Variants in FAM124A observed in about 807,000 individuals in gnomAD.
FAM124A encodes the protein family with sequence similarity 124 member A.
FAM124A carries 23 observed loss-of-function variants against 24.5 expected under a neutral mutation model. The observed-to-expected ratio is 0.94, with a 90% CI of 0.68 to 1.33. The LOEUF (loss-of-function observed/expected upper bound fraction) is 1.33, where lower values mean the gene tolerates loss of function less well. Among genes scored for constraint, FAM124A ranks in the 40% most tolerant of loss-of-function variants. FAM124A has a pLI of 0.00. For synonymous variants in FAM124A, 287 were observed against 314.7 expected, an observed-to-expected ratio of 0.91 and a Z score of 0.93; for missense variants, 623 against 722.8, an observed-to-expected ratio of 0.86 and a Z score of 1.58.
In FAM124A at chr13:51,251,961, C is replaced by T. The variant is rs766488733; in HGVS notation, c.594C>T (p.Pro198=). The change falls in exon 3 of 4, where the codon CCC becomes CCT. Residue 198 remains proline (P), a synonymous_variant. Transcript: ENST00000322475. This position sits in a 1 kb window ranked among gnomAD's most constrained non-coding sequence, Gnocchi z 5.3. ...ACCAGCTGATTCTCCGGAGGAGCCC[C>T]AGCCAGAAGAAAGCGGACTTCTGCA... ...RFYQLILRRS[P]SQKKADFCIF... 8.7e-6 allele frequency: 14 copies of T among 1,614,160 alleles called. No homozygotes were observed. In the South Asian group the frequency reaches 1.2e-4, roughly 14 times the overall value.
intron 2 of FAM124A, among the ~76,000 whole-genome samples, chr13:51,244,523 C>T (rs1442840355): frequency 1.3e-5 from 2 of 152,162 alleles, no homozygotes; most frequent in Admixed American, 6.5e-5. Flanking sequence ...AAAGGGGTAC[C>T]TGAGCTTGTC....
chr13:51,233,637 G>T (rs571274008), intron 2 of FAM124A, among the ~76,000 whole-genome samples: 95 of 152,260 alleles, frequency 6.2e-4, no homozygotes, highest in African/African-American at 2.2e-3. Context: ...TCCCAGCCAG[G>T]AGCATAAATC....
At chr13:51,233,557 G>C (rs557784558) in intron 2 of FAM124A, among the ~76,000 whole-genome samples, 19 of 152,144 alleles carry the variant, frequency 1.2e-4, no homozygotes, top group African/African-American at 4.3e-4. Context: ...GGGGTGGGGC[G>C]GGTAGGGGGA....
chr13:51,242,445 C>T (rs1472014122), intron 2 of FAM124A, among the ~76,000 whole-genome samples: 1 of 152,074 alleles, frequency 6.6e-6, no homozygotes, highest in Non-Finnish European at 1.5e-5. Context: ...CCTTGCAGTC[C>T]CAGGGACTTA....
In FAM124A at chr13:51,251,005, C is replaced by T. The variant is rs1239039656; in HGVS notation, c.101-463C>T. On this transcript the variant is annotated intron_variant, in intron 2 of 3. Coordinates refer to ENST00000322475, the MANE Select transcript of FAM124A (RefSeq NM_001242312.2). The surrounding 1 kb of genome is among the most constrained non-coding windows in gnomAD (Gnocchi z 5.3). ...AAAATAAACAAATGAAATAAGCAAA[C>T]CAGAGGAGTGCGTTTGTGTAGGGAA... Among the ~76,000 whole-genome samples, 1 of 152,222 alleles carries T rather than the reference C, an allele frequency of 6.6e-6. No homozygotes were observed. The highest frequency in any genetic ancestry group is 2.4e-5 in the African/African-American group (1 of 41,454).
At chr13:51,240,091 C>G (rs936914592) in intron 2 of FAM124A, among the ~76,000 whole-genome samples, 2 of 152,192 alleles carry the variant, frequency 1.3e-5, no homozygotes, top group Non-Finnish European at 2.9e-5. Flanking sequence ...TGTTCAACAT[C>G]CATACTGCTG....
At position 51,251,016 on chromosome 13, in the gene FAM124A, C is replaced by T. The variant is rs538668782; in HGVS notation, c.101-452C>T. On this transcript the variant is annotated intron_variant, in intron 2 of 3. Transcript: ENST00000322475. This position sits in a 1 kb window ranked among gnomAD's most constrained non-coding sequence, Gnocchi z 5.3. ...ATGAAATAAGCAAACCAGAGGAGTG[C>T]GTTTGTGTAGGGAACATGTATGGGG... Among the ~76,000 whole-genome samples the T allele has an allele frequency of 3.6e-4, 55 of 152,286 alleles. No individual in the cohort carries two copies. Among genetic ancestry groups the T allele is most frequent in the African/African-American group, 1.3e-3 (53 of 41,558 alleles).
At chr13:51,256,666 T>C (rs1410189055) in intron 3 of FAM124A, among the ~76,000 whole-genome samples, 1 of 152,208 alleles carries the variant, frequency 6.6e-6, no homozygotes, top group Non-Finnish European at 1.5e-5. Context: ...CTCCAGAGAC[T>C]TATTTTGTAA....
chr13:51,232,985 A>G (rs559158802), intron 2 of FAM124A, among the ~76,000 whole-genome samples: 8 of 152,080 alleles, frequency 5.3e-5, no homozygotes, highest in Non-Finnish European at 8.8e-5. Context: ...ATACCCTGCT[A>G]TTGCTCTTCC....
chr13:51,259,887 G>A (rs1314680345), intron 3 of FAM124A, among the ~76,000 whole-genome samples: 1 of 152,194 alleles, frequency 6.6e-6, no homozygotes, highest in Non-Finnish European at 1.5e-5. Context: ...ATAAAAGAAG[G>A]AAAGGGAGGG....
intron 3 of FAM124A, among the ~76,000 whole-genome samples, chr13:51,279,686 G>A (rs1202372099): frequency 6.6e-6 from 1 of 152,188 alleles, no homozygotes; most frequent in Non-Finnish European, 1.5e-5. Flanking sequence ...GCTGGACCAG[G>A]AGGATAGGCT....
In FAM124A at chr13:51,252,206, T is replaced by TG. The variant is rs759932427; in HGVS notation, c.834+11dup. On this transcript the variant is annotated splice_donor_region_variant and intron_variant, in intron 3 of 3. Coordinates refer to ENST00000322475, the MANE Select transcript of FAM124A (RefSeq NM_001242312.2). ...GGGAACAAGATCCTCCTACAGGTAC[T>TG]GGGGGGACGCCTGTCTGTCTGTTTA... 9.3e-6 allele frequency: 15 copies of TG among 1,610,730 alleles called. No individual in the cohort carries two copies. The highest frequency in any genetic ancestry group is 4.0e-5 in the African/African-American group (3 of 74,972).
intron 2 of FAM124A, among the ~76,000 whole-genome samples, chr13:51,250,909 TC>T (rs1954613271): frequency 6.6e-6 from 1 of 152,220 alleles, no homozygotes; most frequent in African/African-American, 2.4e-5. Context: ...GTCTCTCTTG[TC>T]CTCCATCATT....
At chr13:51,229,618 T>G (rs2137645872) in intron 1 of FAM124A, among the ~76,000 whole-genome samples, 1 of 152,290 alleles carries the variant, frequency 6.6e-6, no homozygotes. Context: ...ATAAAAGAAA[T>G]AGAAATATCG....
chr13:51,232,874 C>T (rs968315340), intron 2 of FAM124A, among the ~76,000 whole-genome samples: 1 of 152,220 alleles, frequency 6.6e-6, no homozygotes, highest in African/African-American at 2.4e-5. Flanking sequence ...CACAACACCT[C>T]TATAGTTATC....
intron 2 of FAM124A, among the ~76,000 whole-genome samples, chr13:51,250,664 G>T (rs1028929740): frequency 1.3e-5 from 2 of 152,210 alleles, no homozygotes; most frequent in African/African-American, 2.4e-5. Flanking sequence ...GACACAAAAG[G>T]TAGCCTTTCA....
intron 3 of FAM124A, among the ~76,000 whole-genome samples, chr13:51,278,105 C>G (rs1954900937): frequency 1.3e-5 from 2 of 152,222 alleles, no homozygotes; most frequent in African/African-American, 4.8e-5. Flanking sequence ...AGGGAGGCAG[C>G]TAGCCTGCAC....
chr13:51,249,149 C>T (rs931943839), intron 2 of FAM124A, among the ~76,000 whole-genome samples: 1 of 152,196 alleles, frequency 6.6e-6, no homozygotes, highest in Non-Finnish European at 1.5e-5. Context: ...ACTTCCTAAT[C>T]TCCTCAGCAT....
intron 3 of FAM124A, chr13:51,253,563 A>G (rs1229973245): frequency 1.3e-5 from 2 of 152,244 alleles, no homozygotes; most frequent in Non-Finnish European, 2.9e-5. Context: ...TGCACCAAGT[A>G]AAAGTTAATG....
Sources: allele counts gnomAD v4.1 joint callset (sites outside exome capture counted in the v4.1 genomes callset), GRCh38; gene constraint gnomAD v4.1.1; non-coding constraint Gnocchi (gnomAD v3.1); transcripts MANE v1.5; gene names NCBI Gene and HGNC (gene_info 2026-07-23, HGNC 2026-07-21).